The following DOCK1 variants were observed in gnomAD, a reference collection of about 807,000 sequenced individuals.
DOCK1 encodes the protein dedicator of cytokinesis protein 1.
Under a neutral mutation model 262.7 loss-of-function variants are expected in DOCK1, and 138 were observed. That is an observed-to-expected ratio of 0.53 (90% CI 0.46 to 0.61). DOCK1 has a LOEUF of 0.61. Ranked by LOEUF, DOCK1 falls within the 20% of genes least tolerant of loss-of-function variation. DOCK1 has a pLI of 0.00. For synonymous variants in DOCK1, 866 were observed against 867.4 expected (o/e 1.00, Z 0.03); for missense variants, 1,908 against 2,370.7 (o/e 0.80, Z 4.05).
chr10:127,058,304 TA>T (rs2045304109), intron 22 of DOCK1, among the ~76,000 whole-genome samples: 1 of 152,094 alleles, frequency 6.6e-6, no homozygotes, highest in Non-Finnish European at 1.5e-5. Context: ...CCTGTTGGTC[TA>T]TTCCTTAATC....
At chr10:126,907,405 A>G (rs1054418177) in intron 1 of DOCK1, among the ~76,000 whole-genome samples, 4 of 152,000 alleles carry the variant, frequency 2.6e-5, no homozygotes, top group Non-Finnish European at 5.9e-5. Flanking sequence ...AGTGGGGGCC[A>G]TCGGGGTGCA....
intron 1 of DOCK1, 79 bp downstream of exon 1, chr10:126,905,642 C>G (rs1363704687): frequency 8.8e-6 from 2 of 227,104 alleles, no homozygotes; most frequent in East Asian, 8.1e-5. Context: ...CGCCTGTTGC[C>G]GCCGCCCCGA....
At chr10:127,420,194 G>C (rs1294336437) in intron 46 of DOCK1, among the ~76,000 whole-genome samples, 1 of 152,174 alleles carries the variant, frequency 6.6e-6, no homozygotes, top group East Asian at 1.9e-4. Context: ...TGGCGGTGGT[G>C]TGCGTCCTCA....
chr10:127,234,981 C>T (rs1351528568), intron 27 of DOCK1, among the ~76,000 whole-genome samples: 3 of 133,882 alleles, frequency 2.2e-5, no homozygotes, highest in Non-Finnish European at 3.3e-5. Context: ...AATATATGTA[C>T]ATTTTATACA....
intron 38 of DOCK1, among the ~76,000 whole-genome samples, chr10:127,396,314 G>T (rs2066840650): frequency 6.6e-6 from 1 of 152,226 alleles, no homozygotes; most frequent in Non-Finnish European, 1.5e-5. Context: ...CTGTGCCCTG[G>T]ATCCCCCTAT....
At chr10:127,427,059 C>T (rs376150630) in intron 47 of DOCK1, among the ~76,000 whole-genome samples, 8 of 152,132 alleles carry the variant, frequency 5.3e-5, no homozygotes, top group East Asian at 1.9e-4. Flanking sequence ...CCTGCCTGCT[C>T]GGGAACTGTG....
chr10:127,224,279 G>A (rs1481304206), intron 27 of DOCK1, among the ~76,000 whole-genome samples: 1 of 152,088 alleles, frequency 6.6e-6, no homozygotes, highest in African/African-American at 2.4e-5. Flanking sequence ...ATTAATGTTT[G>A]GCCGGGTGCA....
At chr10:126,933,826 T>A (rs1591361047) in intron 1 of DOCK1, among the ~76,000 whole-genome samples, 1 of 152,194 alleles carries the variant, frequency 6.6e-6, no homozygotes, top group East Asian at 1.9e-4. Flanking sequence ...TTTTAATCTT[T>A]TTTTTGAGAC....
rs539143909 is a variant in DOCK1, at chr10:127,409,110, T to C, written c.4196T>C (p.Phe1399Ser). 1 of 1,608,906 alleles carries C rather than the reference T, an allele frequency of 6.2e-7. No individual in the cohort carries two copies. The highest frequency in any genetic ancestry group is 2.2e-5 in the East Asian group (1 of 44,772). ...EDFEARLLTQ[F>S]PNAEKMKTTS... is the part of the protein sequence containing the mutation. ...TTTGAGGCTCGGCTCTTAACTCAGT[T>C]TCCAAACGCCGAGAAAATGAAGACA... The change falls in exon 41 of 52, where the codon TTT (phenylalanine) becomes TCT (serine). Residue 1399 changes from phenylalanine (F) to serine (S), a missense_variant. Coordinates refer to ENST00000623213, the MANE Select transcript of DOCK1 (RefSeq NM_001290223.2).
intron 27 of DOCK1, among the ~76,000 whole-genome samples, chr10:127,227,937 C>G (rs2058702651): frequency 6.6e-6 from 1 of 152,206 alleles, no homozygotes; most frequent in Non-Finnish European, 1.5e-5. Context: ...TGATCCCATT[C>G]ATCTGCCTCC....
In DOCK1 at chr10:127,207,996, C is replaced by T. The variant is rs375630160; in HGVS notation, c.2848-40012C>T. Among the ~76,000 whole-genome samples, 4 of 152,276 alleles carry T rather than the reference C, an allele frequency of 2.6e-5. No homozygotes were observed. The East Asian group carries it at 5.8e-4, about 22-fold the overall frequency. ...GTTTTTCCCCTTTGCTTCTTACATA[C>T]GCTAGATTGTAGGCTCACCCGGCCT... On this transcript the variant is annotated intron_variant, in intron 27 of 51. Coordinates refer to ENST00000623213, the MANE Select transcript of DOCK1 (RefSeq NM_001290223.2).
chr10:127,297,083 G>T (rs552077016), intron 29 of DOCK1, among the ~76,000 whole-genome samples: 1 of 152,192 alleles, frequency 6.6e-6, no homozygotes, highest in Non-Finnish European at 1.5e-5. Context: ...CAGAGGAGGG[G>T]TGGGAGTGAG....
At chr10:126,905,861 C>T (rs2030669280) in intron 1 of DOCK1, among the ~76,000 whole-genome samples, 1 of 152,030 alleles carries the variant, frequency 6.6e-6, no homozygotes, top group Non-Finnish European at 1.5e-5. Flanking sequence ...TCCTCTGGAC[C>T]TCTGCCGTGG....
chr10:126,918,100 C>T (rs2032718594), intron 1 of DOCK1, among the ~76,000 whole-genome samples: 1 of 152,226 alleles, frequency 6.6e-6, no homozygotes, highest in Admixed American at 6.5e-5. Flanking sequence ...GTGGCTTCAA[C>T]ACAAAGAAGG....
At chr10:127,158,983 C>G (rs1483397306) in intron 27 of DOCK1, among the ~76,000 whole-genome samples, 1 of 152,142 alleles carries the variant, frequency 6.6e-6, no homozygotes, top group Non-Finnish European at 1.5e-5. Flanking sequence ...TTTGGGGACC[C>G]TGGACCTCTC....
intron 24 of DOCK1, 110 bp downstream of exon 24, chr10:127,106,411 G>A: frequency 8.8e-7 from 1 of 1,142,190 alleles, no homozygotes; most frequent in Non-Finnish European, 1.3e-6. Context: ...CCATATGTCA[G>A]TGCCCTGGAT....
intron 27 of DOCK1, among the ~76,000 whole-genome samples, chr10:127,190,743 T>G (rs1379855955): frequency 7.4e-6 from 1 of 134,330 alleles, no homozygotes; most frequent in Non-Finnish European, 1.5e-5. Flanking sequence ...TTGCTGGCCT[T>G]GGGTAGCATC....
At chr10:127,239,883 C>T (rs1056947870) in intron 27 of DOCK1, among the ~76,000 whole-genome samples, 1 of 152,100 alleles carries the variant, frequency 6.6e-6, no homozygotes, top group Non-Finnish European at 1.5e-5. Flanking sequence ...GTCCTCATTA[C>T]ACCATAAACT....
At chr10:127,315,045 C>T (rs572568074) in intron 29 of DOCK1, among the ~76,000 whole-genome samples, 246 of 152,146 alleles carry the variant, frequency 1.6e-3, no homozygotes, top group African/African-American at 5.5e-3. Flanking sequence ...ATCCGCTCCT[C>T]CTGGCCCAGG....
Sources: allele counts gnomAD v4.1 joint callset (sites outside exome capture counted in the v4.1 genomes callset), GRCh38; gene constraint gnomAD v4.1.1; transcripts MANE v1.5; gene names NCBI Gene and HGNC (gene_info 2026-07-23, HGNC 2026-07-21).